TNNI3K: variants seen among roughly 807,000 people sequenced by gnomAD.
TNNI3K encodes serine/threonine-protein kinase TNNI3K.
TNNI3K carries 140 observed loss-of-function variants against 114.5 expected under a neutral mutation model. The observed-to-expected ratio is 1.22, with a 90% CI of 1.07 to 1.41. The LOEUF (loss-of-function observed/expected upper bound fraction) is 1.41, where lower values mean the gene tolerates loss of function less well. Among genes scored for constraint, TNNI3K ranks in the 40% most tolerant of loss-of-function variants. The probability of loss-of-function intolerance (pLI) is 0.00; values close to 1 mark genes in which losing one functional copy is unlikely to be tolerated. For missense variants in TNNI3K, 1,125 were observed against 1,007.6 expected (o/e 1.12, Z -1.58); for synonymous variants, 347 against 347.5 (o/e 1.00, Z 0.02).
chr1:74,501,892 A>C (rs538846351), intron 23 of TNNI3K, among the ~76,000 whole-genome samples: 2 of 151,942 alleles, frequency 1.3e-5, no homozygotes, highest in Non-Finnish European at 2.9e-5. Flanking sequence ...ATATATATAC[A>C]TTTTCTTTTT....
intron 17 of TNNI3K, among the ~76,000 whole-genome samples, chr1:74,395,404 C>G (rs74093520): frequency 0.053 from 8,087 of 152,090 alleles, 644 homozygotes; most frequent in African/African-American, 0.17. Context: ...TTTAGGTGGC[C>G]TGCTCTGCCC....
At chr1:74,461,717 TA>T in intron 20 of TNNI3K, among the ~76,000 whole-genome samples, 1 of 152,322 alleles carries the variant, frequency 6.6e-6, no homozygotes, top group Admixed American at 6.5e-5. Flanking sequence ...GTTGAGAGTA[TA>T]AATTTAGTAC....
chr1:74,521,578 ATAAAGCC>A lies in TNNI3K; in HGVS notation c.2352-18654_2352-18648del, dbSNP rs200371563. ...GTCAAAATTAAATGCTACTATTTCC[ATAAAGCC>A]TTTTTCTGCGTTCCTTTATTTAGCA... On this transcript the variant is annotated intron_variant, in intron 23 of 24. Transcript: ENST00000326637. 5.7e-3 allele frequency among the ~76,000 whole-genome samples: 870 copies of A among 152,270 alleles called. 9 individuals carry two copies. Among genetic ancestry groups the A allele is most frequent in the African/African-American group, 0.019 (794 of 41,544 alleles).
intron 17 of TNNI3K, among the ~76,000 whole-genome samples, chr1:74,386,439 C>G (rs1257867959): frequency 6.6e-6 from 1 of 151,846 alleles, no homozygotes; most frequent in African/African-American, 2.4e-5. Flanking sequence ...TAAGTTTTTC[C>G]TTTTATAAAA....
intron 17 of TNNI3K, among the ~76,000 whole-genome samples, chr1:74,387,274 A>G (rs962094174): frequency 5.3e-5 from 8 of 152,220 alleles, no homozygotes; most frequent in Admixed American, 5.2e-4. Flanking sequence ...AACAAAGAAT[A>G]TACTCTGGGT....
intron 21 of TNNI3K, 89 bp downstream of exon 21, chr1:74,463,639 A>G: frequency 6.9e-7 from 1 of 1,445,628 alleles, no homozygotes; most frequent in South Asian, 1.2e-5. Flanking sequence ...TTCAGTGTGT[A>G]TTTTAAGACT....
Position 74,353,331 on chromosome 1 carries a change from T to C in TNNI3K, c.998T>C (p.Ile333Thr). ...CTTCTTGATCAGAATGTCATAAACA[T>C]CAACCACCAAGGAAGGGATGGGCAC... The part of the protein sequence containing the change: ...KFLLDQNVIN[I>T]NHQGRDGHTG... Residue 333 changes from isoleucine to threonine, a missense_variant, in exon 10 of 25, where the codon ATC (isoleucine) becomes ACC (threonine). By Grantham distance (89) the Ile-to-Thr change is moderately conservative. Transcript: ENST00000326637. 6.2e-7 allele frequency: 1 copy of C among 1,613,840 alleles called. No individual in the cohort carries two copies. Among genetic ancestry groups the C allele is most frequent in the Non-Finnish European group, 8.5e-7 (1 of 1,179,898 alleles).
chr1:74,299,931 A>G (rs1049308939), intron 5 of TNNI3K, among the ~76,000 whole-genome samples: 1 of 152,198 alleles, frequency 6.6e-6, no homozygotes, highest in Non-Finnish European at 1.5e-5. Flanking sequence ...ACATACTGTT[A>G]AAGATGTACT....
intron 17 of TNNI3K, among the ~76,000 whole-genome samples, chr1:74,434,058 C>G (rs902677966): frequency 1.4e-4 from 22 of 151,880 alleles, no homozygotes; most frequent in South Asian, 2.1e-4. Context: ...ACTCTACCTT[C>G]GCACTTTAGT....
intron 4 of TNNI3K, among the ~76,000 whole-genome samples, chr1:74,254,981 G>T (rs1655182686): frequency 6.6e-6 from 1 of 152,078 alleles, no homozygotes; most frequent in Non-Finnish European, 1.5e-5. Flanking sequence ...TATCTTTAAA[G>T]CAAAATTAGG....
intron 18 of TNNI3K, among the ~76,000 whole-genome samples, 164 bp from the exon 19 acceptor site, chr1:74,436,310 T>C (rs1386030252): frequency 6.6e-6 from 1 of 151,934 alleles, no homozygotes; most frequent in Non-Finnish European, 1.5e-5. Context: ...TGAAACTCTG[T>C]CATTTATTTC....
At chr1:74,519,344 C>T (rs1462487234) in intron 23 of TNNI3K, among the ~76,000 whole-genome samples, 5 of 109,228 alleles carry the variant, frequency 4.6e-5, no homozygotes, top group East Asian at 2.5e-4. Flanking sequence ...AATAAACATA[C>T]GTGTGCATGT....
intron 23 of TNNI3K, among the ~76,000 whole-genome samples, chr1:74,507,562 T>C (rs1669971412): frequency 6.6e-6 from 1 of 152,198 alleles, no homozygotes; most frequent in Admixed American, 6.5e-5. Context: ...GTGTATTGAA[T>C]GAATGAATGA....
chr1:74,373,574 A>C (rs1475346533), intron 17 of TNNI3K: 1 of 151,920 alleles, frequency 6.6e-6, no homozygotes, highest in East Asian at 1.9e-4. Flanking sequence ...TGTGTCTTAC[A>C]CAGAGAAGAT....
At chr1:74,375,511 T>A (rs1386859540) in intron 17 of TNNI3K, 2 of 451,720 alleles carry the variant, frequency 4.4e-6, no homozygotes, top group Admixed American at 2.4e-5. Context: ...AGATTGCTTC[T>A]GGGGATAAAT....
At position 74,416,872 on chromosome 1, in the gene TNNI3K, T is replaced by C. The variant is rs867680460; in HGVS notation, c.1773-19208T>C. Among the ~76,000 whole-genome samples, 4 of 152,176 alleles carry C rather than the reference T, an allele frequency of 2.6e-5. No homozygotes were observed. In the South Asian group the frequency reaches 8.3e-4, roughly 32 times the overall value. On this transcript the variant is annotated intron_variant, in intron 17 of 24. Coordinates refer to ENST00000326637, the MANE Select transcript of TNNI3K (RefSeq NM_015978.3). ...TCCAAAATATATCTTTGTGGAAGACTCCATGGTGTGTGTATATTTTTAGCC... is the reference window on the plus strand; with the variant it reads ...TCCAAAATATATCTTTGTGGAAGACCCCATGGTGTGTGTATATTTTTAGCC...
intron 5 of TNNI3K, among the ~76,000 whole-genome samples, chr1:74,318,662 A>G (rs1659449924): frequency 6.6e-6 from 1 of 152,204 alleles, no homozygotes; most frequent in South Asian, 2.1e-4. Flanking sequence ...TGTAAAATGT[A>G]CAGCTTTTTG....
chr1:74,380,050 C>T (rs1343927673), intron 17 of TNNI3K, among the ~76,000 whole-genome samples: 1 of 152,066 alleles, frequency 6.6e-6, no homozygotes, highest in Non-Finnish European at 1.5e-5. Flanking sequence ...AAAAGTCATT[C>T]GTTTTCCCCA....
At chr1:74,471,923 G>C (rs1048792706) in intron 21 of TNNI3K, 5 of 495,682 alleles carry the variant, frequency 1.0e-5, no homozygotes, top group Non-Finnish European at 1.8e-5. Flanking sequence ...TTGTTTGGCT[G>C]AAAATACCTA....
Sources: gnomAD v4.1 joint callset for allele counts (sites outside exome capture counted in the v4.1 genomes callset) on GRCh38, gnomAD v4.1.1 for gene constraint, MANE v1.5 for transcripts, NCBI Gene and HGNC (gene_info 2026-07-23, HGNC 2026-07-21) for gene names.